Variants in RREB1 observed in about 807,000 individuals in gnomAD.
RREB1 encodes ras responsive element binding protein 1.
RREB1 carries 27 observed loss-of-function variants against 117.8 expected under a neutral mutation model. That is an observed-to-expected ratio of 0.23 (90% CI 0.17 to 0.32). The LOEUF is 0.32. Among genes scored for constraint, RREB1 ranks in the 10% least tolerant of loss-of-function variants. RREB1 has a pLI of 1.00. For missense variants in RREB1, 2,577 were observed against 2,378.2 expected (o/e 1.08, Z -1.74); for synonymous variants, 1,298 against 1,026.7 (o/e 1.26, Z -5.05).
chr6:7,124,636 T>G (rs1761831828), intron 1 of RREB1, among the ~76,000 whole-genome samples: 1 of 152,252 alleles, frequency 6.6e-6, no homozygotes, highest in South Asian at 2.1e-4. Context: ...GTTTTCACCC[T>G]TTGTTGGTTG....
chr6:7,224,103 C>A (rs1003059847), intron 8 of RREB1, among the ~76,000 whole-genome samples: 1 of 151,854 alleles, frequency 6.6e-6, no homozygotes, highest in Non-Finnish European at 1.5e-5. Flanking sequence ...ATGCCATAAT[C>A]GTAAAAATCT....
At chr6:7,180,181 A>G (rs1003572966) in intron 2 of RREB1, among the ~76,000 whole-genome samples, 2 of 152,176 alleles carry the variant, frequency 1.3e-5, no homozygotes, top group Non-Finnish European at 2.9e-5. Context: ...CAAAATGTCT[A>G]TTGACAAGGA....
At chr6:7,129,433 C>T (rs1034761009) in intron 1 of RREB1, among the ~76,000 whole-genome samples, 3 of 152,158 alleles carry the variant, frequency 2.0e-5, no homozygotes, top group Non-Finnish European at 4.4e-5. Context: ...TTGGAGACAC[C>T]CTCAACAGTG....
chr6:7,196,002 C>T (rs1289181104), intron 6 of RREB1, among the ~76,000 whole-genome samples: 8 of 152,200 alleles, frequency 5.3e-5, no homozygotes, highest in African/African-American at 1.4e-4. Context: ...CTGGTCTGTG[C>T]TCTGCTCCTC....
chr6:7,134,963 T>C (rs1265034302), intron 1 of RREB1, among the ~76,000 whole-genome samples: 1 of 152,216 alleles, frequency 6.6e-6, no homozygotes, highest in Non-Finnish European at 1.5e-5. Flanking sequence ...CTCATTTTCC[T>C]CATCATTTCA....
intron 8 of RREB1, among the ~76,000 whole-genome samples, chr6:7,224,841 G>A (rs780774661): frequency 1.2e-4 from 18 of 152,266 alleles, no homozygotes; most frequent in Non-Finnish European, 2.4e-4. Flanking sequence ...CCCTCAAAAG[G>A]AACTCTGTGT....
At chr6:7,160,345 T>G (rs527477037) in intron 1 of RREB1, among the ~76,000 whole-genome samples, 1 of 152,264 alleles carries the variant, frequency 6.6e-6, no homozygotes, top group Admixed American at 6.5e-5. Context: ...TAAAAAAAAA[T>G]AGTGACATCA....
Position 7,242,712 on chromosome 6 carries a change from A to G in RREB1, c.3973+2110A>G, listed in dbSNP as rs367640011. 8.8e-3 allele frequency among the ~76,000 whole-genome samples: 1,045 copies of G among 119,364 alleles called. 6 individuals are homozygous for G. Among genetic ancestry groups the G allele is most frequent in the Middle Eastern group, 0.036 (7 of 192 alleles). 78.3% of individuals were successfully genotyped at this position (119,364 alleles called of 152,430 possible). ...CCACTTAAAAAAAAGGGGGGGGGGG[A>G]AGGAAATGACCAAGGAGGTCCTTGA... On this transcript the variant is annotated intron_variant, in intron 11 of 12. Coordinates refer to ENST00000379938, the MANE Select transcript of RREB1 (RefSeq NM_001003699.4).
chr6:7,157,105 G>A (rs969153470), intron 1 of RREB1, among the ~76,000 whole-genome samples: 7 of 152,050 alleles, frequency 4.6e-5, no homozygotes, highest in African/African-American at 1.2e-4. Context: ...TATAAGACCC[G>A]ACTGCCCATT....
At chr6:7,233,269 T>C (rs1273111303) in intron 10 of RREB1, among the ~76,000 whole-genome samples, 3 of 152,258 alleles carry the variant, frequency 2.0e-5, no homozygotes, top group Non-Finnish European at 4.4e-5. Flanking sequence ...AGGAATATAC[T>C]TTAAATAATT....
rs531822149 is a variant in RREB1, at chr6:7,118,346, C to A, written c.-285+10286C>A. Among the ~76,000 whole-genome samples, 27 of 152,174 alleles carry A rather than the reference C, an allele frequency of 1.8e-4. No homozygotes were observed. The East Asian group carries it at 5.2e-3, about 29-fold the overall frequency. On this transcript the variant is annotated intron_variant, in intron 1 of 12. Transcript: ENST00000379938. ...ATGTTGGCCAGGCTGGTCTCAAACT[C>A]CCAACCTCATGTGATCTGCCCGCCT...
At chr6:7,175,378 G>A (rs528738430) in intron 1 of RREB1, among the ~76,000 whole-genome samples, 1 of 151,486 alleles carries the variant, frequency 6.6e-6, no homozygotes, top group African/African-American at 2.4e-5. Flanking sequence ...GGGATGGGGG[G>A]GGTATAATGT....
rs952247360 is a variant in RREB1, at chr6:7,251,515, A to G, written c.*2547A>G. The G allele has an allele frequency of 4.9e-5, 4 of 81,378 alleles. No homozygotes were observed. The highest frequency in any genetic ancestry group is 6.5e-4 in the East Asian group (2 of 3,074). 5.0% of individuals were successfully genotyped at this position (81,378 alleles called of 1,614,324 possible). The stretch of plus-strand genomic sequence containing the variant: ...TTTTTTTTTTTTTTTTTTTTTTCTC[A>G]TTGATTAATGGACATGATGCTGAGA... On this transcript the variant is annotated 3_prime_UTR_variant, in exon 13 of 13. Transcript: ENST00000379938.
At chr6:7,130,056 G>A (rs968060241) in intron 1 of RREB1, among the ~76,000 whole-genome samples, 2 of 152,166 alleles carry the variant, frequency 1.3e-5, no homozygotes, top group African/African-American at 2.4e-5. Flanking sequence ...CCACTCTACT[G>A]ACTCTCCCCT....
At chr6:7,176,823 C>T (rs916630249) in intron 2 of RREB1, 50 bp downstream of exon 2, 3 of 152,548 alleles carry the variant, frequency 2.0e-5, no homozygotes, top group East Asian at 3.9e-4. Context: ...TGTTGAACGT[C>T]GAGTCTTCCC....
intron 11 of RREB1, among the ~76,000 whole-genome samples, chr6:7,244,750 G>A (rs188715145): frequency 1.3e-3 from 201 of 152,312 alleles, no homozygotes; most frequent in Non-Finnish European, 2.2e-3. Context: ...AAGTAGCCGC[G>A]TTATGCAGAT....
intron 2 of RREB1, among the ~76,000 whole-genome samples, chr6:7,177,048 C>G (rs1381029408): frequency 6.6e-6 from 1 of 151,762 alleles, no homozygotes; most frequent in African/African-American, 2.4e-5. Flanking sequence ...GAAACCCTAT[C>G]TCTACTAAAA....
intron 1 of RREB1, among the ~76,000 whole-genome samples, chr6:7,133,893 T>C (rs1215659358): frequency 6.6e-6 from 1 of 152,220 alleles, no homozygotes; most frequent in Non-Finnish European, 1.5e-5. Flanking sequence ...AAAAATGGGA[T>C]TTATTGTGGA....
intron 1 of RREB1, among the ~76,000 whole-genome samples, chr6:7,164,162 A>G (rs978926557): frequency 1.3e-5 from 2 of 152,218 alleles, no homozygotes; most frequent in East Asian, 1.9e-4. Context: ...CCTAAAAAAT[A>G]CTGGCTCCAT....
Sources: allele counts gnomAD v4.1 joint callset (sites outside exome capture counted in the v4.1 genomes callset), GRCh38; gene constraint gnomAD v4.1.1; transcripts MANE v1.5; gene names NCBI Gene and HGNC (gene_info 2026-07-23, HGNC 2026-07-21).